Variants in SI observed in about 807,000 individuals in gnomAD.
SI encodes the protein sucrase-isomaltase, intestinal.
In SI, 235 loss-of-function variants were observed where a neutral mutation model predicts 253.3. The observed-to-expected ratio is 0.93, with a 90% CI of 0.83 to 1.03. The LOEUF is 1.03. Among genes scored for constraint, SI ranks in the 50% least tolerant of loss-of-function variants. The pLI is 0.00. For synonymous variants in SI, 819 were observed against 712.0 expected (o/e 1.15, Z -2.39); for missense variants, 2,442 against 2,211.1 (o/e 1.10, Z -2.09).
intron 30 of SI, 35 bp from the exon 31 acceptor site, chr3:165,017,708 T>G: frequency 6.2e-7 from 1 of 1,605,174 alleles, no homozygotes; most frequent in South Asian, 1.1e-5. Flanking sequence ...CTAAGAGAAT[T>G]ACTTTATGCT....
At chr3:165,049,650 G>C (rs1713327584) in intron 14 of SI, 141 bp downstream of exon 14, 2 of 620,034 alleles carry the variant, frequency 3.2e-6, no homozygotes, top group Non-Finnish European at 5.8e-6. Flanking sequence ...ATATTTGTCT[G>C]AAGAAAAGAT....
chr3:165,009,116 CT>C (rs1236111331), intron 35 of SI, among the ~76,000 whole-genome samples, 162 bp downstream of exon 35: 2 of 152,042 alleles, frequency 1.3e-5, no homozygotes, highest in Non-Finnish European at 2.9e-5. Flanking sequence ...GTTTTTAACA[CT>C]TTACTTTAGC....
At chr3:165,074,897 G>A (rs1363393875) in intron 2 of SI, among the ~76,000 whole-genome samples, 2 of 151,904 alleles carry the variant, frequency 1.3e-5, no homozygotes, top group Non-Finnish European at 2.9e-5. Context: ...GACTGTTTCT[G>A]AAGAAATACA....
chr3:165,055,436 C>A (rs1356562874), intron 12 of SI, 129 bp from the exon 13 acceptor site: 4 of 561,158 alleles, frequency 7.1e-6, no homozygotes, highest in African/African-American at 1.9e-5. Context: ...ATATGTGACT[C>A]ATATATAAAT....
chr3:165,073,170 TTCTCTCTCTCTCTCTCTCTCTCTCTCTC>T lies in SI; in HGVS notation c.255+1333_255+1360del, dbSNP rs59796544. On this transcript the variant is annotated intron_variant, in intron 3 of 47. Transcript: ENST00000264382. ...GAATTCTATGTTTAGCTTCAATCAT[TTCTCTCTCTCTCTCTCTCTCTCTCTCTC>T]TCTCTCTCTCTCTCTCTCTCTCTCT... Among the ~76,000 whole-genome samples the T allele has an allele frequency of 7.5e-3, 987 of 131,954 alleles. 9 individuals are homozygous for T. The highest frequency in any genetic ancestry group is 0.022 in the East Asian group (99 of 4,488). 86.6% of individuals were successfully genotyped at this position (131,954 alleles called of 152,430 possible).
intron 25 of SI, among the ~76,000 whole-genome samples, chr3:165,028,821 G>T (rs150116184): frequency 2.5e-3 from 376 of 151,246 alleles, no homozygotes; most frequent in African/African-American, 8.8e-3. Flanking sequence ...TCTAAGACCA[G>T]AAACTACAAA....
Position 165,059,008 on chromosome 3 carries a change from A to C in SI, c.1353T>G (p.His451Gln). 6.2e-7 allele frequency: 1 copy of C among 1,612,208 alleles called. No individual in the cohort carries two copies. Among genetic ancestry groups the C allele is most frequent in the Non-Finnish European group, 8.5e-7 (1 of 1,178,844 alleles). Residue 451 changes from histidine to glutamine, a missense_variant, in exon 12 of 48, where the codon CAT becomes CAG. By Grantham distance (24) the His-to-Gln change is conservative (BLOSUM62 0). Coordinates refer to ENST00000264382, the MANE Select transcript of SI (RefSeq NM_001041.4). ...YATYERGNTQ[H>Q]VWINESDGST... ...TTCCATCTGACTCATTTATCCACAC[A>C]TGTTGTGTGTTTCCCCTCTCATAGG...
intron 17 of SI, 43 bp from the exon 18 acceptor site, chr3:165,041,137 T>C (rs1576903881): frequency 2.5e-6 from 4 of 1,575,024 alleles, no homozygotes; most frequent in East Asian, 4.5e-5. Flanking sequence ...AGCTAAAGTA[T>C]GAGTGAAAAT....
upstream of SI, among the ~76,000 whole-genome samples, chr3:165,081,924 G>A (rs140768302): frequency 5.0e-3 from 761 of 152,074 alleles, 5 homozygotes; most frequent in Non-Finnish European, 7.7e-3. Flanking sequence ...TGGAAAGACC[G>A]ATGGAGAGTT....
intron 28 of SI, among the ~76,000 whole-genome samples, chr3:165,019,294 A>G (rs1178919923): frequency 6.6e-6 from 1 of 151,982 alleles, no homozygotes; most frequent in Non-Finnish European, 1.5e-5. Flanking sequence ...GAGTAAAGGT[A>G]AACTTGACAG....
At chr3:165,066,186 G>A (rs1490624960) in intron 6 of SI, among the ~76,000 whole-genome samples, 2 of 151,772 alleles carry the variant, frequency 1.3e-5, no homozygotes, top group East Asian at 1.9e-4. Context: ...ATTATTATAA[G>A]TAATCTAGAA....
At chr3:165,007,039 C>T (rs1419049496) in intron 36 of SI, 85 bp from the exon 37 acceptor site, 1 of 972,820 alleles carries the variant, frequency 1.0e-6, no homozygotes, top group Non-Finnish European at 1.6e-6. Context: ...TATTCCTTGA[C>T]AAAGAAATTA....
At chr3:165,037,652 G>A (rs948134622) in intron 21 of SI, among the ~76,000 whole-genome samples, 1 of 151,702 alleles carries the variant, frequency 6.6e-6, no homozygotes, top group East Asian at 1.9e-4. Flanking sequence ...TTATGCTAAT[G>A]TGGGTAAATT....
intron 22 of SI, 34 bp from the exon 23 acceptor site, chr3:165,033,478 G>C (rs1326312435): frequency 6.8e-7 from 1 of 1,480,230 alleles, no homozygotes; most frequent in Non-Finnish European, 9.0e-7. Context: ...AGTACAAAAT[G>C]CAATGTTAAA....
chr3:164,979,429 A>G lies in SI; in HGVS notation c.5417T>C (p.Ile1806Thr). ...GTGTGTGGTCAGATCAATACGTAAT[A>G]TCTAAAAAAGTAAAATAATAATTAG... ...LPFNEDTTNM[I>T]LRIDLTTHNV... Residue 1806 changes from isoleucine to threonine, a missense_variant and splice_region_variant, in exon 48 of 48, where the codon ATA becomes ACA. Coordinates refer to ENST00000264382, the MANE Select transcript of SI (RefSeq NM_001041.4). 6.7e-7 allele frequency: 1 copy of G among 1,495,206 alleles called. No homozygotes were observed. The highest frequency in any genetic ancestry group is 9.3e-7 in the Non-Finnish European group (1 of 1,074,328). 92.6% of individuals were successfully genotyped at this position (1,495,206 alleles called of 1,614,324 possible).
Position 164,987,611 on chromosome 3 carries a change from A to T in SI, c.5109-385T>A, listed in dbSNP as rs1260542877. Among the ~76,000 whole-genome samples, 3 of 152,204 alleles carry T rather than the reference A, an allele frequency of 2.0e-5. No homozygotes were observed. The South Asian group carries it at 6.2e-4, about 32-fold the overall frequency. The stretch of plus-strand genomic sequence containing the variant: ...GTAGTCCCAGCTACTTGGGAGGCTG[A>T]GGCAGGGCAATTGCTTGAACCCGGG... On this transcript the variant is annotated intron_variant, in intron 44 of 47. Transcript: ENST00000264382.
In SI at chr3:165,011,626, C is replaced by T. The variant is rs183796631; in HGVS notation, c.4062+1354G>A. ...ACGTATGTCTGTTAAGTCCATTTGGCCTACGGTGTTGTTAAAAACTGCTGT... is the reference window on the plus strand; with the variant it reads ...ACGTATGTCTGTTAAGTCCATTTGGTCTACGGTGTTGTTAAAAACTGCTGT... On this transcript the variant is annotated intron_variant, in intron 34 of 47. Coordinates refer to ENST00000264382, the MANE Select transcript of SI (RefSeq NM_001041.4). Among the ~76,000 whole-genome samples the T allele has an allele frequency of 9.6e-4, 145 of 151,782 alleles. 1 individual carries two copies. Among genetic ancestry groups the T allele is most frequent in the African/African-American group, 3.4e-3 (139 of 41,478 alleles).
intron 13 of SI, among the ~76,000 whole-genome samples, chr3:165,053,450 C>A (rs1036175905): frequency 6.6e-6 from 1 of 152,082 alleles, no homozygotes; most frequent in Non-Finnish European, 1.5e-5. Flanking sequence ...AACCACTTAG[C>A]AGTGTGATAT....
intron 37 of SI, among the ~76,000 whole-genome samples, chr3:165,003,448 TC>T (rs1310557149): frequency 6.6e-6 from 1 of 152,062 alleles, no homozygotes; most frequent in African/African-American, 2.4e-5. Context: ...AAGGCATTGT[TC>T]AATGCCAGTT....
Sources: allele counts gnomAD v4.1 joint callset (sites outside exome capture counted in the v4.1 genomes callset), GRCh38; gene constraint gnomAD v4.1.1; transcripts MANE v1.5; gene names NCBI Gene and HGNC (gene_info 2026-07-23, HGNC 2026-07-21).